The following HSP90AA1 variants were observed in gnomAD, a reference collection of about 807,000 sequenced individuals.
HSP90AA1 encodes the protein heat shock protein 90 alpha family class A member 1.
HSP90AA1 carries 18 observed loss-of-function variants against 73.3 expected under a neutral mutation model. The ratio of observed to expected loss-of-function variants is 0.25; its 90% CI spans 0.17 to 0.36. The LOEUF (loss-of-function observed/expected upper bound fraction) is 0.36, where lower values mean the gene tolerates loss of function less well. Among genes scored for constraint, HSP90AA1 ranks in the 10% least tolerant of loss-of-function variants. The probability of loss-of-function intolerance (pLI) is 1.00; values close to 1 mark genes in which losing one functional copy is unlikely to be tolerated. For synonymous variants in HSP90AA1, 477 were observed against 296.9 expected (o/e 1.61, Z -6.24); for missense variants, 704 against 874.2 (o/e 0.81, Z 2.45).
chr14:102,095,015 A>AAC (rs2049406586), intron 2 of HSP90AA1, among the ~76,000 whole-genome samples: 1 of 152,062 alleles, frequency 6.6e-6, no homozygotes, highest in Non-Finnish European at 1.5e-5. Flanking sequence ...TCACCAGGGG[A>AAC]ACATAGGGCT....
intron 1 of HSP90AA1, among the ~76,000 whole-genome samples, chr14:102,120,162 G>A (rs537571543): frequency 6.6e-6 from 1 of 152,184 alleles, no homozygotes; most frequent in South Asian, 2.1e-4. Flanking sequence ...CCAGGAGTTC[G>A]AGACCAGCCT....
upstream of HSP90AA1, among the ~76,000 whole-genome samples, chr14:102,088,923 T>A (rs1017431990): frequency 6.0e-5 from 9 of 151,100 alleles, no homozygotes; most frequent in African/African-American, 2.0e-4. Context: ...TTTTTTTTTT[T>A]AGACAAAGTC....
intron 2 of HSP90AA1, among the ~76,000 whole-genome samples, chr14:102,099,458 T>A (rs2049465930): frequency 6.6e-6 from 1 of 152,150 alleles, no homozygotes; most frequent in Non-Finnish European, 1.5e-5. Context: ...CTTGGGAGGC[T>A]GAGGCAGGAG....
chr14:102,087,332 G>A (rs1355353909), upstream of HSP90AA1: 2 of 268,778 alleles, frequency 7.4e-6, no homozygotes, highest in East Asian at 1.8e-4. Flanking sequence ...GAATTCTCGG[G>A]AAGGTCCGGG....
At chr14:102,120,804 G>A (rs771223250) in intron 1 of HSP90AA1, among the ~76,000 whole-genome samples, 12 of 151,616 alleles carry the variant, frequency 7.9e-5, no homozygotes, top group East Asian at 1.9e-4. Flanking sequence ...TTAGCGTGGC[G>A]GTGGGCGCCT....
At chr14:102,122,656 T>C (rs944469760) in intron 1 of HSP90AA1, among the ~76,000 whole-genome samples, 1 of 151,688 alleles carries the variant, frequency 6.6e-6, no homozygotes, top group African/African-American at 2.4e-5. Context: ...CTCTTCTTTT[T>C]CTTTTTTTTA....
At chr14:102,096,567 C>T (rs2049427757) in intron 2 of HSP90AA1, among the ~76,000 whole-genome samples, 1 of 152,204 alleles carries the variant, frequency 6.6e-6, no homozygotes, top group Admixed American at 6.5e-5. Context: ...CCTGCTCTGG[C>T]CAAATTCACT....
rs890639953 is a variant in HSP90AA1, at chr14:102,085,124, T to A, written c.664-126A>T. 4 of 1,530,554 alleles carry A rather than the reference T, an allele frequency of 2.6e-6. No individual in the cohort carries two copies. In the East Asian group the frequency reaches 9.0e-5, roughly 34 times the overall value. 94.8% of individuals were successfully genotyped at this position (1,530,554 alleles called of 1,614,324 possible). A position where few individuals can be genotyped will look rare whatever the true frequency, so the allele number is the denominator to read the frequency against. On this transcript the variant is annotated intron_variant, in intron 4 of 10. Transcript: ENST00000216281. ...AACTTGAGAAGCACCCAGCTTTTCATCAATATTTGATACATCCACTTAATA... is the reference window on the plus strand; with the variant it reads ...AACTTGAGAAGCACCCAGCTTTTCAACAATATTTGATACATCCACTTAATA...
At chr14:102,086,871 G>A (rs2049253841) in intron 1 of HSP90AA1, 115 bp downstream of exon 1, 3 of 537,228 alleles carry the variant, frequency 5.6e-6, no homozygotes, top group East Asian at 1.5e-4. Flanking sequence ...GCCCGGGAGC[G>A]CGGCCCTGGC....
At chr14:102,085,518 G>A (rs1361829472) in intron 3 of HSP90AA1, 87 bp from the exon 4 acceptor site, 1 of 1,385,378 alleles carries the variant, frequency 7.2e-7, no homozygotes, top group Non-Finnish European at 1.0e-6. Flanking sequence ...TGTCTATAAA[G>A]CAAGGTTTGC....
rs549409751 is a variant in HSP90AA1 at position 102,083,632 on chromosome 14, G to A, written c.1400C>T (p.Thr467Ile). The A allele has an allele frequency of 9.3e-6, 15 of 1,612,764 alleles. No individual in the cohort carries two copies. In the Middle Eastern group the frequency reaches 8.3e-4, roughly 89 times the overall value. Residue 467 changes from threonine (T) to isoleucine (I), a missense_variant, in exon 8 of 11, where the codon ACA becomes ATA. Transcript: ENST00000216281. ...AACCATCTCATCACCAGAGGCAGAT[G>A]TGTAGTACCTTAACAGCTCTGAAAG... ...KKLSELLRYY[T>I]SASGDEMVSL...
chr14:102,134,371 G>A (rs564086737), intron 1 of HSP90AA1, among the ~76,000 whole-genome samples: 149 of 150,138 alleles, frequency 9.9e-4, no homozygotes, highest in Non-Finnish European at 1.3e-3. Flanking sequence ...CGTTAGACTG[G>A]AATGGAGAAT....
Position 102,139,391 on chromosome 14 carries a change from G to T in HSP90AA1, c.14C>A (p.Ser5Ter), listed in dbSNP as rs1245053268. The change falls in exon 1 of 12, where the codon TCG (serine) becomes TAG (stop). Residue 5 changes from serine (S) to a stop codon, truncating the protein, a stop_gained. Transcript: ENST00000334701. LOFTEE classifies it high-confidence loss of function. The stretch of plus-strand genomic sequence containing the variant: ...AGGAGGGGTGGAGCCGTCCCCGCCC[G>T]AACACGGGGGCATCCGCGCTCCCCG... 1 of 1,574,586 alleles carries T rather than the reference G, an allele frequency of 6.4e-7. No individual in the cohort carries two copies. Among genetic ancestry groups the T allele is most frequent in the Admixed American group, 1.9e-5 (1 of 52,336 alleles).
Position 102,083,777 on chromosome 14 carries a change from G to A in HSP90AA1, c.1338+16C>T, listed in dbSNP as rs368284124. On this transcript the variant is annotated intron_variant, in intron 7 of 10. Coordinates refer to ENST00000216281, the MANE Select transcript of HSP90AA1 (RefSeq NM_005348.4). The stretch of plus-strand genomic sequence containing the variant: ...TAAAGAGGCCAATTGGAAAACTAAT[G>A]GTTATTTACACCAACCTTTATGTTT... 5.0e-6 allele frequency: 8 copies of A among 1,591,498 alleles called. No homozygotes were observed. Among genetic ancestry groups the A allele is most frequent in the Non-Finnish European group, 6.9e-6 (8 of 1,163,142 alleles).
rs2049098235 is a variant in HSP90AA1, at chr14:102,081,523, T to C, written c.*189A>G. The C allele has an allele frequency of 1.6e-6, 1 of 610,162 alleles. No individual in the cohort carries two copies. Among genetic ancestry groups the C allele is most frequent in the African/African-American group, 1.8e-5 (1 of 54,060 alleles). 37.8% of individuals were successfully genotyped at this position (610,162 alleles called of 1,614,324 possible). A position where few individuals can be genotyped will look rare whatever the true frequency, so the allele number is the denominator to read the frequency against. ...CAACATGAAACTCAAAAAGCATTAC[T>C]AGCTCTGCTTTAGTGCCTAAGGTAT... On this transcript the variant is annotated 3_prime_UTR_variant, in exon 11 of 11. Transcript: ENST00000216281.
chr14:102,094,986 CG>C (rs999750964), intron 2 of HSP90AA1, among the ~76,000 whole-genome samples: 1 of 152,010 alleles, frequency 6.6e-6, no homozygotes, highest in African/African-American at 2.4e-5. Context: ...CAGAGGCTCC[CG>C]GGTGGGTGAG....
intron 9 of HSP90AA1, chr14:102,082,710 T>A: frequency 1.9e-6 from 1 of 517,722 alleles, no homozygotes; most frequent in South Asian, 2.1e-5. Flanking sequence ...AACCTCCGCC[T>A]CCTGGGTTCA....
chr14:102,137,579 T>G (rs1279006316), intron 1 of HSP90AA1, among the ~76,000 whole-genome samples: 4 of 151,946 alleles, frequency 2.6e-5, no homozygotes, highest in Admixed American at 6.6e-5. Context: ...CGCCTCGGCC[T>G]CCCAAAGTGA....
At chr14:102,130,817 C>T (rs1209035492) in intron 1 of HSP90AA1, among the ~76,000 whole-genome samples, 1 of 152,124 alleles carries the variant, frequency 6.6e-6, no homozygotes, top group Non-Finnish European at 1.5e-5. Flanking sequence ...GTAGCCTCAA[C>T]CTCCTGGGCT....
Sources: allele counts gnomAD v4.1 joint callset (sites outside exome capture counted in the v4.1 genomes callset), GRCh38; gene constraint gnomAD v4.1.1; transcripts MANE v1.5; gene names NCBI Gene and HGNC (gene_info 2026-07-23, HGNC 2026-07-21).